Variants in ABHD1 observed in about 807,000 individuals in gnomAD.
The protein encoded by ABHD1 is abhydrolase domain containing 1.
Under a neutral mutation model 41.4 loss-of-function variants are expected in ABHD1, and 47 were observed. The observed-to-expected ratio is 1.13, with a 90% CI of 0.90 to 1.45. The LOEUF (loss-of-function observed/expected upper bound fraction) is 1.45, where lower values mean the gene tolerates loss of function less well. Ranked by LOEUF, ABHD1 falls within the 40% of genes most tolerant of loss-of-function variation. The pLI is 0.00. For missense variants in ABHD1, 550 were observed against 503.4 expected (o/e 1.09, Z -0.89); for synonymous variants, 205 against 203.7 (o/e 1.01, Z -0.05).
intron 8 of ABHD1, 33 bp from the exon 9 acceptor site, chr2:27,130,500 G>A (rs561656763): frequency 1.2e-6 from 2 of 1,611,894 alleles, no homozygotes; most frequent in Admixed American, 3.3e-5. Flanking sequence ...TCCCAGTGAA[G>A]GCCAGTGTTT....
At position 27,130,631 on chromosome 2, in the gene ABHD1, C is replaced by T. The variant is rs759401809; in HGVS notation, c.1105C>T (p.Gln369Ter). 6.2e-7 allele frequency: 1 copy of T among 1,614,198 alleles called. No individual in the cohort carries two copies. Among genetic ancestry groups the T allele is most frequent in the South Asian group, 1.1e-5 (1 of 91,088 alleles). ...IGFLEGLLPW[Q>*]HWYMSRLLHQ... is the part of the protein sequence containing the mutation. ...CTTCCTGGAAGGGCTGCTCCCGTGG[C>T]AGCACTGGTACATGAGCCGCCTCTT... is the stretch of plus-strand genomic sequence containing the variant. The change falls in exon 9 of 9, where the codon CAG (glutamine) becomes TAG (stop). Residue 369 changes from glutamine to a stop codon, truncating the protein, a stop_gained. Coordinates refer to ENST00000316470, the MANE Select transcript of ABHD1 (RefSeq NM_032604.4). LOFTEE classifies it low-confidence loss of function (END_TRUNC).
At position 27,130,321 on chromosome 2, in the gene ABHD1, A is replaced by G. The variant is rs1338945447; in HGVS notation, c.911A>G (p.Tyr304Cys). Residue 304 changes from tyrosine (Y) to cysteine (C), a missense_variant, in exon 8 of 9, where the codon TAC becomes TGC. Physicochemically the swap from Tyr to Cys is radical, Grantham distance 194. Coordinates refer to ENST00000316470, the MANE Select transcript of ABHD1 (RefSeq NM_032604.4). ...TTTGGATATCAAGACTGTGTTACCTACTACAAAGCAGCAAGCCCTAGAACC... is the reference window on the plus strand; with the variant it reads ...TTTGGATATCAAGACTGTGTTACCTGCTACAAAGCAGCAAGCCCTAGAACC... Reference protein sequence around the residue: ...VAFGYQDCVTYYKAASPRTKI... With the variant: ...VAFGYQDCVTCYKAASPRTKI... 1.4e-5 allele frequency: 22 copies of G among 1,614,116 alleles called. No individual in the cohort carries two copies. Among genetic ancestry groups the G allele is most frequent in the Non-Finnish European group, 1.9e-5 (22 of 1,180,030 alleles).
chr2:27,124,021 G>A lies in ABHD1; in HGVS notation c.73G>A (p.Val25Ile), dbSNP rs768037800. Reference sequence around the variant, plus strand: ...CTTCTCTCTGCTCTTGGCTCTTGCCGTTGCCCTCTACTTGGGCTACTACTG... The same window carrying A: ...CTTCTCTCTGCTCTTGGCTCTTGCCATTGCCCTCTACTTGGGCTACTACTG... ...DTFSLLLALA[V>I]ALYLGYYWAC... The change falls in exon 1 of 9, where the codon GTT (valine) becomes ATT (isoleucine). Residue 25 changes from valine to isoleucine, a missense_variant. Transcript: ENST00000316470. The A allele has an allele frequency of 2.5e-6, 4 of 1,614,222 alleles. No individual in the cohort carries two copies. The highest frequency in any genetic ancestry group is 3.4e-6 in the Non-Finnish European group (4 of 1,180,038).
chr2:27,129,246 T>C lies in ABHD1; in HGVS notation c.459-70T>C, dbSNP rs183193294. On this transcript the variant is annotated intron_variant, in intron 3 of 8. Transcript: ENST00000316470. ...CACAAAGGGAGTCTTTGGACAGGGG[T>C]CTTTCTGAATACTGAAAGGGGAGAG... is the stretch of plus-strand genomic sequence containing the variant. 2.0e-3 allele frequency: 3,283 copies of C among 1,603,906 alleles called. 38 individuals are homozygous for C. Among genetic ancestry groups the C allele is most frequent in the Non-Finnish European group, 9.4e-4 (1,103 of 1,173,050 alleles).
intron 1 of ABHD1, chr2:27,125,662 G>A (rs1247515040): frequency 6.6e-6 from 1 of 152,164 alleles, no homozygotes; most frequent in East Asian, 1.9e-4. Context: ...CATTTTGGGA[G>A]GCTGAGGCGG....
At chr2:27,127,987 C>T (rs1472694759) in intron 1 of ABHD1, among the ~76,000 whole-genome samples, 3 of 152,054 alleles carry the variant, frequency 2.0e-5, no homozygotes, top group Non-Finnish European at 4.4e-5. Flanking sequence ...GTCTCACTGT[C>T]GCCCAGGCTA....
Position 27,130,544 on chromosome 2 carries a change from C to T in ABHD1, c.1018C>T (p.Gln340Ter), listed in dbSNP as rs1326120359. Residue 340 changes from glutamine to a stop codon, truncating the protein, a stop_gained, in exon 9 of 9, where the codon CAG becomes TAG. Coordinates refer to ENST00000316470, the MANE Select transcript of ABHD1 (RefSeq NM_032604.4). LOFTEE classifies it low-confidence loss of function (END_TRUNC). ...PFSPVCALPI[Q>*]AAQHSPYVAL... ...TGACCCTCTCCTAGCCCTTCCCATA[C>T]AGGCCGCCCAACACTCCCCCTACGT... 6.2e-7 allele frequency: 1 copy of T among 1,614,066 alleles called. No individual in the cohort carries two copies. The highest frequency in any genetic ancestry group is 8.5e-7 in the Non-Finnish European group (1 of 1,180,010).
chr2:27,127,382 G>A (rs1428109225), intron 1 of ABHD1, among the ~76,000 whole-genome samples: 6 of 144,840 alleles, frequency 4.1e-5, no homozygotes, highest in South Asian at 2.2e-4. Flanking sequence ...GTGAAACCCC[G>A]TCTCTACTGA....
intron 8 of ABHD1, 50 bp from the exon 9 acceptor site, chr2:27,130,483 C>G (rs775309942): frequency 6.2e-7 from 1 of 1,611,474 alleles, no homozygotes; most frequent in East Asian, 2.2e-5. Flanking sequence ...CAACAGACAG[C>G]CTGGGCTCCC....
intron 1 of ABHD1, among the ~76,000 whole-genome samples, chr2:27,127,236 CTTT>C (rs61505752): frequency 3.0e-4 from 25 of 82,740 alleles, no homozygotes; most frequent in African/African-American, 9.3e-4. Context: ...GTAGCTTCAT[CTTT>C]TTTTTTTTTT....
intron 6 of ABHD1, 80 bp downstream of exon 6, chr2:27,130,007 T>C: frequency 6.2e-7 from 1 of 1,610,884 alleles, no homozygotes; most frequent in South Asian, 1.1e-5. Flanking sequence ...GCTTGGTCAG[T>C]TCTCTCTGGG....
At position 27,128,968 on chromosome 2, in the gene ABHD1, G is replaced by C; in HGVS notation, c.299G>C (p.Gly100Ala). The C allele has an allele frequency of 6.2e-7, 1 of 1,613,958 alleles. No individual in the cohort carries two copies. The highest frequency in any genetic ancestry group is 8.5e-7 in the Non-Finnish European group (1 of 1,179,952). The change falls in exon 3 of 9, where the codon GGA becomes GCA. Residue 100 changes from glycine (G) to alanine (A), a missense_variant. Coordinates refer to ENST00000316470, the MANE Select transcript of ABHD1 (RefSeq NM_032604.4). ...AGTGACATCCTCCAAACACCAGATG[G>C]AGGCCAGCTCCTGCTAGACTGGGCC... ...YQSDILQTPDGGQLLLDWAKQ... is the reference protein window; with the variant it reads ...YQSDILQTPDAGQLLLDWAKQ...
chr2:27,126,489 G>A (rs999026280), intron 1 of ABHD1: 4 of 152,194 alleles, frequency 2.6e-5, no homozygotes, highest in Non-Finnish European at 5.9e-5. Flanking sequence ...TAGAAATCTG[G>A]TCCTCATGTT....
Position 27,130,113 on chromosome 2 carries a change from A to G in ABHD1, c.800A>G (p.Lys267Arg), listed in dbSNP as rs764586880. ...CTTATGTACTTTTGCAGAAACAGAA[A>G]GGTGATTGAAAAGGTGGTGGACATA... The part of the protein sequence containing the change: ...GLCQLVERNR[K>R]VIEKVVDIDF... The change falls in exon 7 of 9, where the codon AAG (lysine) becomes AGG (arginine). Residue 267 changes from lysine (K) to arginine (R), a missense_variant. Transcript: ENST00000316470. 1.2e-6 allele frequency: 2 copies of G among 1,614,220 alleles called. No individual in the cohort carries two copies. Among genetic ancestry groups the G allele is most frequent in the Non-Finnish European group, 1.7e-6 (2 of 1,180,044 alleles).
intron 1 of ABHD1, 62 bp from the exon 2 acceptor site, chr2:27,128,379 G>C (rs1397061829): frequency 6.2e-7 from 1 of 1,607,774 alleles, no homozygotes; most frequent in Non-Finnish European, 8.5e-7. Context: ...CTCTGGTGTT[G>C]GGTGCCTCAC....
rs202239154 is a variant in ABHD1, at chr2:27,130,719, T to C, written c.1193T>C (p.Leu398Ser). 6.2e-7 allele frequency: 1 copy of C among 1,614,212 alleles called. No homozygotes were observed. The highest frequency in any genetic ancestry group is 2.2e-5 in the East Asian group (1 of 44,884). The change falls in exon 9 of 9, where the codon TTA becomes TCA. Residue 398 changes from leucine (L) to serine (S), a missense_variant. By Grantham distance (145) the Leu-to-Ser change is moderately radical (BLOSUM62 -2). Coordinates refer to ENST00000316470, the MANE Select transcript of ABHD1 (RefSeq NM_032604.4). ...GGGCTGCCTGACCTCAGGGCTCTCT[T>C]ACCTTCTGAGGACAGAAACAGCTGA... ...PEGLPDLRAL[L>S]PSEDRNS
chr2:27,125,143 A>G (rs991177287), intron 1 of ABHD1: 1 of 152,204 alleles, frequency 6.6e-6, no homozygotes, highest in Admixed American at 6.5e-5. Context: ...GTCTCAAAAA[A>G]AAAAAAAAAA....
intron 2 of ABHD1, 136 bp downstream of exon 2, chr2:27,128,737 G>A (rs1672082573): frequency 3.1e-6 from 4 of 1,307,288 alleles, no homozygotes; most frequent in Non-Finnish European, 4.2e-6. Flanking sequence ...GATGTTATAT[G>A]GAAGGGCTAT....
At position 27,129,359 on chromosome 2, in the gene ABHD1, C is replaced by T. The variant is rs201901507; in HGVS notation, c.502C>T (p.Arg168Trp). ...CCGGGGCTGCCGTGGGGAGGAACTG[C>T]GGGTGAGTAGCTGCCTTCCTCATAG... ...NNRGCRGEELRTHRAFCASNT... is the reference protein window; with the variant it reads ...NNRGCRGEELWTHRAFCASNT... Residue 168 changes from arginine (R) to tryptophan (W), a missense_variant and splice_region_variant, in exon 4 of 9, where the codon CGG becomes TGG. By Grantham distance (101) the Arg-to-Trp change is moderately radical (BLOSUM62 -3). Transcript: ENST00000316470. 1.1e-5 allele frequency: 18 copies of T among 1,614,104 alleles called. No individual in the cohort carries two copies. The Admixed American group carries it at 1.7e-4, about 15-fold the overall frequency.
Sources: gnomAD v4.1 joint callset for allele counts (sites outside exome capture counted in the v4.1 genomes callset) on GRCh38, gnomAD v4.1.1 for gene constraint, MANE v1.5 for transcripts, NCBI Gene and HGNC (gene_info 2026-07-23, HGNC 2026-07-21) for gene names.